Variants in STIM2 observed in about 807,000 individuals in gnomAD.
STIM2 encodes the protein stromal interaction molecule 2.
In STIM2, 31 loss-of-function variants were observed where a neutral mutation model predicts 85.8. That is an observed-to-expected ratio of 0.36 (90% CI 0.27 to 0.49). The LOEUF (loss-of-function observed/expected upper bound fraction) is 0.49. STIM2 is among the 20% of genes least tolerant of loss of function. The pLI is 0.98. For missense variants in STIM2, 841 were observed against 927.6 expected (o/e 0.91, Z 1.21); for synonymous variants, 356 against 331.1 (o/e 1.08, Z -0.82).
chr4:26,884,339 G>C (rs1349822286), intron 1 of STIM2, among the ~76,000 whole-genome samples: 2 of 152,184 alleles, frequency 1.3e-5, no homozygotes, highest in African/African-American at 4.8e-5. Flanking sequence ...GATCAGTATA[G>C]GAAAATGTTT....
intron 1 of STIM2, among the ~76,000 whole-genome samples, chr4:26,903,666 A>T (rs1724012341): frequency 6.6e-6 from 1 of 152,188 alleles, no homozygotes; most frequent in Non-Finnish European, 1.5e-5. Flanking sequence ...AGGCTAGCTC[A>T]GCTGAGGCCT....
chr4:26,983,437 A>G (rs1320936004), intron 3 of STIM2, among the ~76,000 whole-genome samples: 1 of 152,254 alleles, frequency 6.6e-6, no homozygotes, highest in Non-Finnish European at 1.5e-5. Flanking sequence ...AAGTTGGAAA[A>G]TGTTATATAC....
At chr4:26,952,011 C>G (rs565107375) in intron 2 of STIM2, among the ~76,000 whole-genome samples, 1 of 152,096 alleles carries the variant, frequency 6.6e-6, no homozygotes, top group South Asian at 2.1e-4. Flanking sequence ...GATTCAAAAG[C>G]AGAAACCCCT....
At chr4:26,909,671 TGGTAAAATATA>T (rs1357583594) in intron 1 of STIM2, among the ~76,000 whole-genome samples, 3 of 152,242 alleles carry the variant, frequency 2.0e-5, no homozygotes, top group Admixed American at 1.3e-4. Context: ...GCTTTTATTG[TGGTAAAATATA>T]CGTAACATAA....
chr4:27,018,121 A>C, intron 11 of STIM2, 137 bp downstream of exon 11: 1 of 1,271,826 alleles, frequency 7.9e-7, no homozygotes, highest in Non-Finnish European at 1.1e-6. Context: ...GCAGCCTCAG[A>C]CATCACCCAT....
chr4:27,010,559 C>T (rs1560239462), intron 10 of STIM2, among the ~76,000 whole-genome samples: 1 of 152,140 alleles, frequency 6.6e-6, no homozygotes, highest in Non-Finnish European at 1.5e-5. Flanking sequence ...CAGAGGTACT[C>T]CACTCTGCTT....
intron 11 of STIM2, among the ~76,000 whole-genome samples, chr4:27,018,620 A>T (rs1728812499): frequency 1.3e-5 from 2 of 152,200 alleles, no homozygotes; most frequent in Non-Finnish European, 2.9e-5. Flanking sequence ...AACTGGAAGA[A>T]GGTGTGTGTA....
chr4:26,932,028 C>T (rs1303695326), intron 2 of STIM2, among the ~76,000 whole-genome samples: 1 of 152,134 alleles, frequency 6.6e-6, no homozygotes, highest in Non-Finnish European at 1.5e-5. Flanking sequence ...TTTGTTCCAT[C>T]GTATAAGCAC....
intron 1 of STIM2, among the ~76,000 whole-genome samples, chr4:26,884,066 T>C (rs1162967345): frequency 6.6e-6 from 1 of 152,184 alleles, no homozygotes; most frequent in Non-Finnish European, 1.5e-5. Flanking sequence ...ATACCTGAGT[T>C]CCTTATATTT....
At chr4:26,887,104 G>A (rs1018028564) in intron 1 of STIM2, among the ~76,000 whole-genome samples, 1 of 151,422 alleles carries the variant, frequency 6.6e-6, no homozygotes, top group South Asian at 2.1e-4. Context: ...AATTTAAAGA[G>A]CTAGGAAATT....
At chr4:26,875,778 A>G (rs1722794567) in intron 1 of STIM2, among the ~76,000 whole-genome samples, 1 of 152,200 alleles carries the variant, frequency 6.6e-6, no homozygotes. Context: ...CAAATTGAAA[A>G]ACAGACCTTT....
chr4:26,940,088 CG>C (rs1459026298), intron 2 of STIM2, among the ~76,000 whole-genome samples: 2 of 152,070 alleles, frequency 1.3e-5, no homozygotes, highest in African/African-American at 4.8e-5. Flanking sequence ...AAGCACATGC[CG>C]TGATGTAGGT....
intron 2 of STIM2, among the ~76,000 whole-genome samples, chr4:26,942,514 T>C (rs1480559524): frequency 6.6e-6 from 1 of 152,154 alleles, no homozygotes; most frequent in African/African-American, 2.4e-5. Context: ...TCTTGTTTTT[T>C]CTTGAGCTCA....
chr4:26,901,328 A>G (rs1723911523), intron 1 of STIM2, among the ~76,000 whole-genome samples: 1 of 152,138 alleles, frequency 6.6e-6, no homozygotes, highest in African/African-American at 2.4e-5. Flanking sequence ...AACTGAGGTT[A>G]TGTTCTTTCT....
At chr4:27,015,840 G>A (rs1269643218) in intron 10 of STIM2, among the ~76,000 whole-genome samples, 1 of 142,348 alleles carries the variant, frequency 7.0e-6, no homozygotes, top group African/African-American at 2.6e-5. Flanking sequence ...TCTGAAGGAT[G>A]TGTCTTTTAT....
At chr4:26,893,213 G>GAAC (rs1723560347) in intron 1 of STIM2, among the ~76,000 whole-genome samples, 1 of 152,102 alleles carries the variant, frequency 6.6e-6, no homozygotes, top group Non-Finnish European at 1.5e-5. Context: ...ACCACCTTCA[G>GAAC]GTCATGAAAT....
chr4:26,942,566 T>C (rs1368657548), intron 2 of STIM2, among the ~76,000 whole-genome samples: 6 of 152,274 alleles, frequency 3.9e-5, no homozygotes, highest in East Asian at 1.9e-4. Flanking sequence ...ATTATTCTTA[T>C]TGTGCTTATT....
chr4:26,963,144 T>C (rs1210863634), intron 3 of STIM2, among the ~76,000 whole-genome samples: 3 of 152,124 alleles, frequency 2.0e-5, no homozygotes, highest in African/African-American at 7.2e-5. Context: ...ACCAAGAGTA[T>C]TTTCTTTTTG....
At chr4:26,984,475 T>C (rs1727510193) in intron 3 of STIM2, among the ~76,000 whole-genome samples, 1 of 152,110 alleles carries the variant, frequency 6.6e-6, no homozygotes, top group Admixed American at 6.6e-5. Context: ...ATTCTCCTGC[T>C]TCAGCCTCCT....
Sources: gnomAD v4.1 joint callset for allele counts (sites outside exome capture counted in the v4.1 genomes callset) on GRCh38, gnomAD v4.1.1 for gene constraint, MANE v1.5 for transcripts, NCBI Gene and HGNC (gene_info 2026-07-23, HGNC 2026-07-21) for gene names.